The following CCSER1 variants were observed in gnomAD, a reference collection of about 807,000 sequenced individuals.
CCSER1 encodes serine-rich coiled-coil domain-containing protein 1.
Under a neutral mutation model 82.0 loss-of-function variants are expected in CCSER1, and 41 were observed. That is an observed-to-expected ratio of 0.50 (90% CI 0.39 to 0.65). The LOEUF (loss-of-function observed/expected upper bound fraction) is 0.65, where lower values mean the gene tolerates loss of function less well. Among genes scored for constraint, CCSER1 ranks in the 30% least tolerant of loss-of-function variants. The probability of loss-of-function intolerance (pLI) is 0.00; values close to 1 mark genes in which losing one functional copy is unlikely to be tolerated. For synonymous variants in CCSER1, 414 were observed against 383.9 expected (o/e 1.08, Z -0.92); for missense variants, 1,119 against 1,064.2 (o/e 1.05, Z -0.72).
chr4:91,257,192 T>C lies in CCSER1; in HGVS notation c.2217+171198T>C, dbSNP rs183311665. 1.7e-3 allele frequency among the ~76,000 whole-genome samples: 259 copies of C among 152,278 alleles called. 2 individuals are homozygous for C. The highest frequency in any genetic ancestry group is 5.8e-3 in the African/African-American group (241 of 41,574). ...ATAAGAAAATGTATTAGCATATGTT[T>C]AGATATGTTACGTTAGAAAACAAAC... is the stretch of plus-strand genomic sequence containing the variant. On this transcript the variant is annotated intron_variant, in intron 10 of 10. Coordinates refer to ENST00000509176, the MANE Select transcript of CCSER1 (RefSeq NM_001145065.2).
At chr4:90,990,290 T>C (rs763474138) in intron 9 of CCSER1, among the ~76,000 whole-genome samples, 17 of 151,828 alleles carry the variant, frequency 1.1e-4, no homozygotes, top group Non-Finnish European at 2.5e-4. Flanking sequence ...TAGGCCTCAA[T>C]GGTATGAATT....
intron 5 of CCSER1, among the ~76,000 whole-genome samples, chr4:90,597,378 GC>G (rs1783467838): frequency 1.3e-5 from 2 of 151,852 alleles, no homozygotes; most frequent in South Asian, 4.1e-4. Context: ...GTTACATATT[GC>G]TTTTTATTTA....
intron 7 of CCSER1, among the ~76,000 whole-genome samples, chr4:90,813,887 T>TC (rs1758657263): frequency 6.6e-6 from 1 of 152,102 alleles, no homozygotes; most frequent in South Asian, 2.1e-4. Flanking sequence ...TTCTCACAGT[T>TC]CCCCTAAGCA....
intron 5 of CCSER1, among the ~76,000 whole-genome samples, chr4:90,620,684 A>G (rs1460350625): frequency 5.9e-5 from 9 of 152,214 alleles, no homozygotes; most frequent in Admixed American, 5.2e-4. Context: ...TAAAAGACAA[A>G]CCTAACACAA....
chr4:91,577,866 T>G (rs1763524403), intron 10 of CCSER1, among the ~76,000 whole-genome samples: 3 of 152,024 alleles, frequency 2.0e-5, no homozygotes, highest in Non-Finnish European at 4.4e-5. Context: ...GGTAAACAAA[T>G]TCATTTGTCT....
At chr4:90,508,447 T>C (rs1053548055) in intron 5 of CCSER1, among the ~76,000 whole-genome samples, 1 of 151,972 alleles carries the variant, frequency 6.6e-6, no homozygotes, top group African/African-American at 2.4e-5. Flanking sequence ...TCACATGAGG[T>C]TTCTTCCCCG....
chr4:91,585,797 A>C (rs960846929), intron 10 of CCSER1, among the ~76,000 whole-genome samples: 9 of 151,606 alleles, frequency 5.9e-5, no homozygotes, highest in African/African-American at 2.2e-4. Context: ...GATTAAAGAA[A>C]AAATTGTCCT....
At chr4:90,204,115 C>A (rs1738304629) in intron 1 of CCSER1, among the ~76,000 whole-genome samples, 1 of 152,178 alleles carries the variant, frequency 6.6e-6, no homozygotes, top group South Asian at 2.1e-4. Flanking sequence ...GGATAGATTG[C>A]AAAAATTTTC....
chr4:91,280,317 T>A (rs2149201033), intron 10 of CCSER1, among the ~76,000 whole-genome samples: 1 of 152,270 alleles, frequency 6.6e-6, no homozygotes, highest in South Asian at 2.1e-4. Context: ...AAGTTGGTAT[T>A]GCATGGGTGA....
At chr4:90,592,408 G>A (rs917539663) in intron 5 of CCSER1, among the ~76,000 whole-genome samples, 6 of 151,944 alleles carry the variant, frequency 3.9e-5, no homozygotes, top group African/African-American at 1.5e-4. Context: ...TAAATTAACA[G>A]CTTTAAAAAT....
At chr4:91,474,808 TATATAC>T (rs1198260538) in intron 10 of CCSER1, among the ~76,000 whole-genome samples, 74 of 64,254 alleles carry the variant, frequency 1.2e-3, no homozygotes, top group African/African-American at 4.1e-3. Flanking sequence ...TATATATATA[TATATAC>T]ACACACACAC....
At chr4:90,441,555 C>G (rs1759881495) in intron 4 of CCSER1, among the ~76,000 whole-genome samples, 1 of 152,000 alleles carries the variant, frequency 6.6e-6, no homozygotes, top group East Asian at 1.9e-4. Flanking sequence ...TTCCAAGAGC[C>G]CTGTGTCCAA....
chr4:91,240,277 TGTG>T (rs1739306217), intron 10 of CCSER1, among the ~76,000 whole-genome samples: 1 of 64,560 alleles, frequency 1.5e-5, no homozygotes, highest in African/African-American at 9.3e-5. Context: ...GGGGTTTCCC[TGTG>T]TTAGCCAGGA....
chr4:90,255,176 C>A (rs562559548), intron 1 of CCSER1, among the ~76,000 whole-genome samples: 28 of 152,064 alleles, frequency 1.8e-4, no homozygotes, highest in Middle Eastern at 3.4e-3. Context: ...ATTTTCAAGT[C>A]CTTTTTCAAA....
intron 7 of CCSER1, among the ~76,000 whole-genome samples, chr4:90,802,918 T>A (rs769277840): frequency 6.6e-6 from 1 of 152,108 alleles, no homozygotes; most frequent in South Asian, 2.1e-4. Context: ...TTTCACTTGT[T>A]CATAAAATTC....
chr4:90,288,495 T>C (rs1486508871), intron 1 of CCSER1, among the ~76,000 whole-genome samples: 2 of 152,022 alleles, frequency 1.3e-5, no homozygotes, highest in African/African-American at 4.8e-5. Flanking sequence ...GTCTCCCTCA[T>C]TGGAGTAGAT....
intron 10 of CCSER1, among the ~76,000 whole-genome samples, chr4:91,410,448 T>G (rs1241239227): frequency 6.6e-6 from 1 of 152,192 alleles, no homozygotes; most frequent in Non-Finnish European, 1.5e-5. Context: ...TTTGCTGCCT[T>G]GAAACATTTG....
chr4:90,836,296 T>C (rs889063078), intron 8 of CCSER1, among the ~76,000 whole-genome samples: 9 of 152,050 alleles, frequency 5.9e-5, no homozygotes, highest in African/African-American at 2.2e-4. Flanking sequence ...TCCTAATGAA[T>C]GTATTAGTCA....
intron 7 of CCSER1, among the ~76,000 whole-genome samples, chr4:90,749,742 C>T (rs1246569004): frequency 6.6e-6 from 1 of 152,014 alleles, no homozygotes; most frequent in Non-Finnish European, 1.5e-5. Flanking sequence ...AATAGTGCCA[C>T]AGTAAACATA....
Sources: allele counts gnomAD v4.1 joint callset (sites outside exome capture counted in the v4.1 genomes callset), GRCh38; gene constraint gnomAD v4.1.1; transcripts MANE v1.5; gene names NCBI Gene and HGNC (gene_info 2026-07-23, HGNC 2026-07-21).